Variants in CHI3L1 observed in about 807,000 individuals in gnomAD.
The protein encoded by CHI3L1 is chitinase 3 like 1, also known as chitinase-3-like protein 1.
In CHI3L1, 30 loss-of-function variants were observed where a neutral mutation model predicts 40.7. The ratio of observed to expected loss-of-function variants is 0.74; its 90% confidence interval spans 0.55 to 1.00. CHI3L1 has a LOEUF of 1.00. Ranked by LOEUF, CHI3L1 falls within the 50% of genes least tolerant of loss-of-function variation. The pLI, the probability that CHI3L1 is intolerant of heterozygous loss-of-function variation, is 0.00. For synonymous variants in CHI3L1, 210 were observed against 192.1 expected, an observed-to-expected ratio of 1.09 and a Z score of -0.77; for missense variants, 493 against 492.2, an observed-to-expected ratio of 1.00 and a Z score of -0.01.
rs143744874 is a variant in CHI3L1, at chr1:203,185,338, G to T, written c.103C>A (p.Arg35=). Residue 35 remains arginine (R), a synonymous_variant, in exon 3 of 10, where the codon CGG becomes AGG. Coordinates refer to ENST00000255409, the MANE Select transcript of CHI3L1 (RefSeq NM_001276.4). ...VCYYTSWSQY[R]EGDGSCFPDA... is the part of the protein sequence containing the mutation. The stretch of plus-strand genomic sequence containing the variant: ...GGGAAGCAGCTCCCATCGCCTTCCC[G>T]GTACTGGGACCAGCTGGTGTAGTAG... 4.6e-5 allele frequency: 75 copies of T among 1,614,180 alleles called. No homozygotes were observed. The East Asian group carries it at 1.7e-3, about 36-fold the overall frequency.
In CHI3L1 at chr1:203,180,523, G is replaced by T; in HGVS notation, c.841C>A (p.Pro281Thr). The T allele has an allele frequency of 6.2e-7, 1 of 1,610,408 alleles. No individual in the cohort carries two copies. The highest frequency in any genetic ancestry group is 8.5e-7 in the Non-Finnish European group (1 of 1,178,730). Residue 281 changes from proline (P) to threonine (T), a missense_variant, in exon 8 of 10, where the codon CCG (proline) becomes ACG (threonine). Pro to Thr is a conservative substitution (Grantham distance 38). Transcript: ENST00000255409. Reference sequence around the variant, plus strand: ...TTGGTGAACCGGCCTGGAATTCCCGGTCCTGAGATTGGGGCTCCAACACCA... The same window carrying T: ...TTGGTGAACCGGCCTGGAATTCCCGTTCCTGAGATTGGGGCTCCAACACCA... ...ETGVGAPISG[P>T]GIPGRFTKEA...
At position 203,186,213 on chromosome 1, in the gene CHI3L1, G is replaced by A. The variant is rs528048425; in HGVS notation, c.55+103C>T. 2.3e-6 allele frequency: 3 copies of A among 1,276,610 alleles called. No individual in the cohort carries two copies. The African/African-American group carries it at 4.4e-5, about 19-fold the overall frequency. 79.1% of individuals were successfully genotyped at this position (1,276,610 alleles called of 1,614,324 possible). On this transcript the variant is annotated intron_variant, in intron 2 of 9. Transcript: ENST00000255409. ...TTTCGAAGTCATTGGAAGCACAGAA[G>A]AACCTGGCAAAGTGTTCCCTTGGAG...
At position 203,179,888 on chromosome 1, in the gene CHI3L1, A is replaced by G. The variant is rs1317288209; in HGVS notation, c.895-11T>C. On this transcript the variant is annotated splice_polypyrimidine_tract_variant and intron_variant, in intron 8 of 9. Coordinates refer to ENST00000255409, the MANE Select transcript of CHI3L1 (RefSeq NM_001276.4). ...GAGGAAGTCACAGATCTGAGCAGAT[A>G]ACAGGGAAAAGGCAGTGTGGGGAGT... is the stretch of plus-strand genomic sequence containing the variant. The G allele has an allele frequency of 6.2e-7, 1 of 1,613,234 alleles. No homozygotes were observed. Among genetic ancestry groups the G allele is most frequent in the Non-Finnish European group, 8.5e-7 (1 of 1,179,242 alleles).
chr1:203,179,826 C>G lies in CHI3L1; in HGVS notation c.946G>C (p.Val316Leu), dbSNP rs1655894626. 6.2e-7 allele frequency: 1 copy of G among 1,614,038 alleles called. No homozygotes were observed. Among genetic ancestry groups the G allele is most frequent in the Non-Finnish European group, 8.5e-7 (1 of 1,180,030 alleles). ...TGGTTGCCCTTGGTGGCATAGGGGA[C>G]CTGCTGGCCGAGGATTCTATGGACT... The part of the protein sequence containing the change: ...ATVHRILGQQ[V>L]PYATKGNQWV... Residue 316 changes from valine (V) to leucine (L), a missense_variant, in exon 9 of 10, where the codon GTC becomes CTC. Val to Leu is a conservative substitution (Grantham distance 32). Transcript: ENST00000255409.
At chr1:203,183,331 G>A (rs1431095786) in intron 5 of CHI3L1, among the ~76,000 whole-genome samples, 1 of 152,210 alleles carries the variant, frequency 6.6e-6, no homozygotes, top group Non-Finnish European at 1.5e-5. Flanking sequence ...TGCATGCTGG[G>A]TATGGGTGGC....
At chr1:203,180,758 TG>T in intron 7 of CHI3L1, 106 bp from the exon 8 acceptor site, 1 of 787,442 alleles carries the variant, frequency 1.3e-6, no homozygotes, top group Non-Finnish European at 2.0e-6. Context: ...TATGGTGCAC[TG>T]GGGATTCCCC....
chr1:203,183,593 T>C (rs1247607475), intron 5 of CHI3L1, 48 bp downstream of exon 5: 3 of 1,604,302 alleles, frequency 1.9e-6, no homozygotes, highest in Non-Finnish European at 2.6e-6. Context: ...CCCACCCCAT[T>C]CCCTCATGCC....
At chr1:203,183,583 C>A (rs1205988913) in intron 5 of CHI3L1, 58 bp downstream of exon 5, 20 of 1,587,496 alleles carry the variant, frequency 1.3e-5, no homozygotes, top group Non-Finnish European at 1.7e-5. Flanking sequence ...CGGCTTCTAG[C>A]CCACCCCATT....
chr1:203,183,045 T>A (rs535592988), intron 5 of CHI3L1, among the ~76,000 whole-genome samples, 193 bp from the exon 6 acceptor site: 1 of 152,254 alleles, frequency 6.6e-6, no homozygotes, highest in South Asian at 2.1e-4. Flanking sequence ...AAAAACTGAC[T>A]AATCTTCTCC....
intron 5 of CHI3L1, among the ~76,000 whole-genome samples, chr1:203,183,296 C>A (rs537763390): frequency 2.2e-4 from 33 of 152,306 alleles, no homozygotes; most frequent in African/African-American, 6.0e-4. Flanking sequence ...TGCCCCCAGG[C>A]AGAGCTGAGA....
intron 8 of CHI3L1, 124 bp downstream of exon 8, chr1:203,180,346 T>C: frequency 1.1e-6 from 1 of 926,206 alleles, no homozygotes. Context: ...TCCTCAGGCA[T>C]GCTGGGGCAA....
At chr1:203,180,126 A>T (rs750633687) in intron 8 of CHI3L1, 61 of 574,972 alleles carry the variant, frequency 1.1e-4, no homozygotes, top group Non-Finnish European at 1.7e-4. Context: ...CTGCTGGTTG[A>T]CACTGAGGAC....
At chr1:203,182,707 G>A in intron 6 of CHI3L1, 24 bp downstream of exon 6, 1 of 1,613,586 alleles carries the variant, frequency 6.2e-7, no homozygotes, top group Non-Finnish European at 8.5e-7. Context: ...GTTCTGGGGA[G>A]GCTGCCTGGG....
chr1:203,181,290 G>A lies in CHI3L1; in HGVS notation c.588-5C>T, dbSNP rs1655931890. On this transcript the variant is annotated splice_region_variant and splice_polypyrimidine_tract_variant and intron_variant, in intron 6 of 9. Coordinates refer to ENST00000255409, the MANE Select transcript of CHI3L1 (RefSeq NM_001276.4). ...ATGCTAATGAAATCCAGGTGTCTGAGGAGGAAGGGGATGGAGGGTGAGGCA... is the reference window on the plus strand; with the variant it reads ...ATGCTAATGAAATCCAGGTGTCTGAAGAGGAAGGGGATGGAGGGTGAGGCA... 2 of 1,613,608 alleles carry A rather than the reference G, an allele frequency of 1.2e-6. No homozygotes were observed. The highest frequency in any genetic ancestry group is 1.7e-6 in the Non-Finnish European group (2 of 1,179,766).
At chr1:203,183,544 C>T in intron 5 of CHI3L1, 97 bp downstream of exon 5, 2 of 1,288,408 alleles carry the variant, frequency 1.6e-6, no homozygotes, top group Non-Finnish European at 2.2e-6. Flanking sequence ...TCCCTCTTTA[C>T]CTGTCCTCAG....
intron 8 of CHI3L1, chr1:203,180,110 T>C (rs747439924): frequency 6.9e-6 from 4 of 579,614 alleles, no homozygotes; most frequent in Non-Finnish European, 1.2e-5. Flanking sequence ...AACAGAGATG[T>C]GAGGCCTGCT....
intron 1 of CHI3L1, 53 bp from the exon 2 acceptor site, chr1:203,186,398 C>T: frequency 6.4e-7 from 1 of 1,569,072 alleles, no homozygotes; most frequent in Non-Finnish European, 8.6e-7. Context: ...CCCTTCCGCC[C>T]TGCTCCCTCC....
intron 9 of CHI3L1, 87 bp downstream of exon 9, chr1:203,179,674 C>G: frequency 6.2e-7 from 1 of 1,613,992 alleles, no homozygotes; most frequent in Non-Finnish European, 8.5e-7. Flanking sequence ...CAGCCCAGAC[C>G]TCAGTGCAAG....
At chr1:203,184,132 A>C (rs1656004920) in intron 4 of CHI3L1, among the ~76,000 whole-genome samples, 1 of 152,150 alleles carries the variant, frequency 6.6e-6, no homozygotes, top group Non-Finnish European at 1.5e-5. Context: ...GGACACAGAA[A>C]GAGTACCCAG....
Sources: allele counts gnomAD v4.1 joint callset (sites outside exome capture counted in the v4.1 genomes callset), GRCh38; gene constraint gnomAD v4.1.1; transcripts MANE v1.5; gene names NCBI Gene and HGNC (gene_info 2026-07-23, HGNC 2026-07-21).